The following PC variants were observed in gnomAD, a reference collection of about 807,000 sequenced individuals.
PC encodes the protein pyruvate carboxylase, also known as pyruvate carboxylase, mitochondrial.
In PC, 46 loss-of-function variants were observed where a neutral mutation model predicts 107.8. That is an observed-to-expected ratio of 0.43 (90% CI 0.34 to 0.55). The LOEUF (loss-of-function observed/expected upper bound fraction) is 0.55, where lower values mean the gene tolerates loss of function less well. PC is among the 20% of genes least tolerant of loss of function. The pLI, the probability that PC is intolerant of heterozygous loss-of-function variation, is 0.04. For synonymous variants in PC, 662 were observed against 684.7 expected (o/e 0.97, Z 0.52); for missense variants, 1,241 against 1,643.1 (o/e 0.76, Z 4.23).
intron 3 of PC, among the ~76,000 whole-genome samples, chr11:66,911,296 T>C (rs1033546221): frequency 3.3e-5 from 5 of 152,212 alleles, no homozygotes; most frequent in Admixed American, 3.3e-4. Flanking sequence ...GTCATGGCCC[T>C]ATCTCTGCTA....
Position 66,857,672 on chromosome 11 carries a change from C to G in PC, c.1369-4289G>C, listed in dbSNP as rs1056446438. The G allele has an allele frequency of 2.7e-6, 4 of 1,488,286 alleles. No individual in the cohort carries two copies. In the African/African-American group the frequency reaches 5.5e-5, roughly 21 times the overall value. 92.2% of individuals were successfully genotyped at this position (1,488,286 alleles called of 1,614,324 possible). A position where few individuals can be genotyped will look rare whatever the true frequency, so the allele number is the denominator to read the frequency against. On this transcript the variant is annotated intron_variant, in intron 12 of 22. Transcript: ENST00000393960. This position sits in a 1 kb window ranked among gnomAD's most constrained non-coding sequence, Gnocchi z 7.1. ...ACAGAAGCTGGCTTCTGGGACTGTC[C>G]TGGGCCCAAGTGGGCACCTGCGCCA...
In PC at chr11:66,850,319, G is replaced by A. The variant is rs2229745; in HGVS notation, c.2619C>T (p.Asn873=). The A allele has an allele frequency of 0.015, 23,642 of 1,614,112 alleles. 317 individuals are homozygous for A. The highest frequency in any genetic ancestry group is 0.028 in the Middle Eastern group (170 of 6,062). Residue 873 remains asparagine (N), a synonymous_variant, in exon 19 of 23, where the codon AAC becomes AAT. Coordinates refer to ENST00000393960, the MANE Select transcript of PC (RefSeq NM_001040716.2). ...CCATGCTGTGGGCCTGGAAGTGCAGGTTGGTGTACTGGCCCCCTGGGATCT... is the reference window on the plus strand; with the variant it reads ...CCATGCTGTGGGCCTGGAAGTGCAGATTGGTGTACTGGCCCCCTGGGATCT... ...ENEIPGGQYT[N]LHFQAHSMGL...
chr11:66,955,620 CCCCTT>C (rs1239498406), intron 1 of PC, among the ~76,000 whole-genome samples: 3 of 152,140 alleles, frequency 2.0e-5, no homozygotes, highest in Non-Finnish European at 4.4e-5. Flanking sequence ...GTGAACAAAG[CCCCTT>C]CCCTAAGAGC....
At chr11:66,849,179 C>G in intron 22 of PC, 32 bp from the exon 23 acceptor site, 1 of 1,613,728 alleles carries the variant, frequency 6.2e-7, no homozygotes, top group Non-Finnish European at 8.5e-7. Flanking sequence ...GACATGACAT[C>G]CTGGGCCCAG....
intron 3 of PC, 191 bp downstream of exon 3, chr11:66,952,239 T>C (rs1260086202): frequency 6.6e-6 from 1 of 152,266 alleles, no homozygotes; most frequent in Non-Finnish European, 1.5e-5. Flanking sequence ...CAGATGTCAC[T>C]TTCCTGTAAA....
At chr11:66,893,432 T>C (rs913039941) in intron 3 of PC, among the ~76,000 whole-genome samples, 13 of 152,144 alleles carry the variant, frequency 8.5e-5, no homozygotes, top group Non-Finnish European at 1.3e-4. Context: ...GAAGGCTCTT[T>C]TCTTTTTTAC....
At chr11:66,956,064 G>GC (rs1471551468) in intron 1 of PC, among the ~76,000 whole-genome samples, 1 of 151,808 alleles carries the variant, frequency 6.6e-6, no homozygotes, top group Non-Finnish European at 1.5e-5. Context: ...TGAGCACCGC[G>GC]CCCAGCCCCG....
Position 66,870,979 on chromosome 11 carries a change from C to A in PC, c.633+73G>T. On this transcript the variant is annotated intron_variant, in intron 7 of 22. Coordinates refer to ENST00000393960, the MANE Select transcript of PC (RefSeq NM_001040716.2). This position sits in a 1 kb window ranked among gnomAD's most constrained non-coding sequence, Gnocchi z 6.1. Reference sequence around the variant, plus strand: ...ATGAACCCCACCCACTTTCCAGATCCCTTGAGTGGTCCGCCCCTGCCCCCA... The same window carrying A: ...ATGAACCCCACCCACTTTCCAGATCACTTGAGTGGTCCGCCCCTGCCCCCA... 1 of 1,609,498 alleles carries A rather than the reference C, an allele frequency of 6.2e-7. No homozygotes were observed. Among genetic ancestry groups the A allele is most frequent in the Admixed American group, 1.7e-5 (1 of 60,024 alleles).
rs1338017187 is a variant in PC at position 66,871,420 on chromosome 11, C to T, written c.382G>A (p.Ala128Thr). The change falls in exon 6 of 23, where the codon GCC (alanine) becomes ACC (threonine). Residue 128 changes from alanine (A) to threonine (T), a missense_variant. By Grantham distance (58) the Ala-to-Thr change is moderately conservative. Coordinates refer to ENST00000393960, the MANE Select transcript of PC (RefSeq NM_001040716.2). This position sits in a 1 kb window ranked among gnomAD's most constrained non-coding sequence, Gnocchi z 7.4. ...ACCCCTGCATCCTGGCAGGCCTGGGCGAAGTCCGCTCGCTCAGAGAGGAAC... is the reference window on the plus strand; with the variant it reads ...ACCCCTGCATCCTGGCAGGCCTGGGTGAAGTCCGCTCGCTCAGAGAGGAAC... ...YGFLSERADF[A>T]QACQDAGVRF... 24 of 1,613,474 alleles carry T rather than the reference C, an allele frequency of 1.5e-5. No individual in the cohort carries two copies. The highest frequency in any genetic ancestry group is 6.7e-5 in the East Asian group (3 of 44,894).
chr11:66,898,086 A>C (rs1213553040), intron 3 of PC, among the ~76,000 whole-genome samples: 1 of 152,176 alleles, frequency 6.6e-6, no homozygotes, highest in Admixed American at 6.5e-5. Flanking sequence ...CAGTTCCAAA[A>C]ATGTTTAACT....
chr11:66,943,016 CA>C (rs373572519), intron 3 of PC, among the ~76,000 whole-genome samples: 115 of 121,330 alleles, frequency 9.5e-4, no homozygotes, highest in Admixed American at 1.5e-3. Context: ...AACTCCATCT[CA>C]AAAAAAAAAA....
chr11:66,919,537 T>C (rs746935517), intron 3 of PC, among the ~76,000 whole-genome samples: 1 of 152,144 alleles, frequency 6.6e-6, no homozygotes, highest in Non-Finnish European at 1.5e-5. Flanking sequence ...TGAGAAGTCA[T>C]TGGCTGGCGA....
intron 11 of PC, among the ~76,000 whole-genome samples, chr11:66,865,864 C>T (rs369124410): frequency 3.3e-5 from 5 of 152,106 alleles, no homozygotes; most frequent in Admixed American, 1.3e-4. Context: ...GGCAGCCAGG[C>T]GTGGGGCTCC....
chr11:66,901,973 T>C (rs1442381225), intron 3 of PC, among the ~76,000 whole-genome samples: 1 of 152,152 alleles, frequency 6.6e-6, no homozygotes, highest in African/African-American at 2.4e-5. Flanking sequence ...CACCCCGACA[T>C]CCCGTGGAGG....
At chr11:66,863,746 A>T in intron 12 of PC, 28 bp downstream of exon 12, 1 of 1,596,170 alleles carries the variant, frequency 6.3e-7, no homozygotes, top group Non-Finnish European at 8.5e-7. Flanking sequence ...GCCGGGAGCA[A>T]AGGCAGGCGG....
At chr11:66,867,101 C>A (rs767325264) in intron 10 of PC, among the ~76,000 whole-genome samples, 1 of 152,166 alleles carries the variant, frequency 6.6e-6, no homozygotes, top group Non-Finnish European at 1.5e-5. Context: ...AACAAAAAAA[C>A]CAGGCTGGGC....
rs1340314112 is a variant in PC at position 66,912,675 on chromosome 11, T to C, written c.-1+39755A>G. On this transcript the variant is annotated intron_variant, in intron 3 of 22. Coordinates refer to ENST00000393960, the MANE Select transcript of PC (RefSeq NM_001040716.2). ...TGACCTCAACACAAAATAGGCAGCT[T>C]TGATTCACAGGATCCTTTTCCTGCT... is the stretch of plus-strand genomic sequence containing the variant. 5.3e-5 allele frequency among the ~76,000 whole-genome samples: 8 copies of C among 152,168 alleles called. No individual in the cohort carries two copies. The East Asian group carries it at 1.5e-3, about 29-fold the overall frequency.
chr11:66,940,339 C>T (rs1052219776), intron 3 of PC, among the ~76,000 whole-genome samples: 32 of 151,894 alleles, frequency 2.1e-4, no homozygotes, highest in Admixed American at 1.3e-4. Context: ...GTTGGGACCA[C>T]ACCCGGCCCC....
chr11:66,852,340 G>A lies in PC; in HGVS notation c.1825+99C>T. On this transcript the variant is annotated intron_variant, in intron 15 of 22. Coordinates refer to ENST00000393960, the MANE Select transcript of PC (RefSeq NM_001040716.2). The surrounding 1 kb of genome is among the most constrained non-coding windows in gnomAD (Gnocchi z 4.7). ...GTCCTTCCTCTTTGGTGTTCTTCGT[G>A]TCAGCGTCTCTAGCTTGTCCCCAGT... The A allele has an allele frequency of 9.9e-7, 1 of 1,009,202 alleles. No individual in the cohort carries two copies. The highest frequency in any genetic ancestry group is 1.6e-6 in the Non-Finnish European group (1 of 638,922). 62.5% of individuals were successfully genotyped at this position (1,009,202 alleles called of 1,614,324 possible). A position where few individuals can be genotyped will look rare whatever the true frequency, so the allele number is the denominator to read the frequency against.
Sources: allele counts gnomAD v4.1 joint callset (sites outside exome capture counted in the v4.1 genomes callset), GRCh38; gene constraint gnomAD v4.1.1; non-coding constraint Gnocchi (gnomAD v3.1); transcripts MANE v1.5; gene names NCBI Gene and HGNC (gene_info 2026-07-23, HGNC 2026-07-21).